The following LRRC4C variants were observed in gnomAD, a reference collection of about 807,000 sequenced individuals.
LRRC4C encodes the protein leucine rich repeat containing 4C, also known as leucine-rich repeat-containing protein 4C.
A neutral mutation model predicts 33.6 loss-of-function variants in LRRC4C; 5 were observed. The observed-to-expected ratio is 0.15, with a 90% CI of 0.08 to 0.31. LRRC4C has a LOEUF of 0.31. LRRC4C is among the 10% of genes least tolerant of loss of function. The pLI, the probability that LRRC4C is intolerant of heterozygous loss-of-function variation, is 1.00. For synonymous variants in LRRC4C, 329 were observed against 302.0 expected, an observed-to-expected ratio of 1.09 and a Z score of -0.93; for missense variants, 560 against 796.7, an observed-to-expected ratio of 0.70 and a Z score of 3.58.
At chr11:40,654,186 G>A (rs887439479) in intron 2 of LRRC4C, among the ~76,000 whole-genome samples, 3 of 152,216 alleles carry the variant, frequency 2.0e-5, no homozygotes, top group African/African-American at 7.2e-5. Context: ...CTCCCACACA[G>A]AGTCCCCGCT....
chr11:40,863,818 TTG>T (rs1334230725), intron 2 of LRRC4C, among the ~76,000 whole-genome samples: 1 of 152,142 alleles, frequency 6.6e-6, no homozygotes, highest in Non-Finnish European at 1.5e-5. Context: ...AAAGATATTT[TTG>T]TGTTATTATA....
chr11:40,895,383 A>C (rs538130859), intron 2 of LRRC4C, among the ~76,000 whole-genome samples: 190 of 152,110 alleles, frequency 1.2e-3, no homozygotes, highest in African/African-American at 4.1e-3. Context: ...ACCAAAAAAA[A>C]CCCCAAAATT....
At chr11:41,212,759 C>A (rs139476171) in intron 1 of LRRC4C, among the ~76,000 whole-genome samples, 16 of 152,310 alleles carry the variant, frequency 1.1e-4, no homozygotes, top group African/African-American at 3.8e-4. Flanking sequence ...TATTGAGCTC[C>A]ATTTATGTCC....
chr11:40,285,416 C>A (rs1272398872), intron 4 of LRRC4C, among the ~76,000 whole-genome samples: 1 of 152,198 alleles, frequency 6.6e-6, no homozygotes, highest in Admixed American at 6.5e-5. Context: ...GAAGGACTAA[C>A]ATCAGGTGTT....
chr11:41,163,282 C>CTTTTTTTT (rs1207086558), intron 1 of LRRC4C, among the ~76,000 whole-genome samples: 1 of 18,528 alleles, frequency 5.4e-5, no homozygotes, highest in African/African-American at 1.1e-4. Flanking sequence ...TTTACTGTAA[C>CTTTTTTTT]TGTTTTTTTT....
chr11:41,316,333 C>A (rs1011048993), intron 1 of LRRC4C, among the ~76,000 whole-genome samples: 5 of 144,540 alleles, frequency 3.5e-5, no homozygotes, highest in Admixed American at 1.4e-4. Context: ...TTGATTAAAT[C>A]TAAATCTATT....
chr11:40,354,482 T>C (rs912161226), intron 3 of LRRC4C, among the ~76,000 whole-genome samples: 4 of 152,170 alleles, frequency 2.6e-5, no homozygotes, highest in Non-Finnish European at 4.4e-5. Context: ...CCAGGGCCTG[T>C]ACTCGGGAAA....
At chr11:40,782,468 A>G (rs1351584268) in intron 2 of LRRC4C, among the ~76,000 whole-genome samples, 1 of 150,862 alleles carries the variant, frequency 6.6e-6, no homozygotes, top group Non-Finnish European at 1.5e-5. Context: ...TCTAGGAACT[A>G]TAGCATCTTT....
At chr11:40,887,257 A>G (rs1267418900) in intron 2 of LRRC4C, among the ~76,000 whole-genome samples, 1 of 151,862 alleles carries the variant, frequency 6.6e-6, no homozygotes, top group Non-Finnish European at 1.5e-5. Context: ...TAATGAGACA[A>G]TTGGTATAGA....
intron 1 of LRRC4C, among the ~76,000 whole-genome samples, chr11:41,033,308 T>C (rs1856833602): frequency 6.6e-6 from 1 of 152,076 alleles, no homozygotes; most frequent in South Asian, 2.1e-4. Flanking sequence ...GAGTCTCAGG[T>C]ATGCCTAAGC....
intron 4 of LRRC4C, among the ~76,000 whole-genome samples, chr11:40,302,796 T>TTACAA (rs1167600991): frequency 2.6e-5 from 4 of 152,144 alleles, no homozygotes; most frequent in Non-Finnish European, 5.9e-5. Flanking sequence ...AAGATTACTG[T>TTACAA]ATATTTAGAA....
chr11:40,444,291 C>T (rs1951526102), intron 3 of LRRC4C, among the ~76,000 whole-genome samples: 1 of 150,396 alleles, frequency 6.6e-6, no homozygotes, highest in African/African-American at 2.4e-5. Context: ...AATACCAGAG[C>T]TGTTTCTTCT....
At chr11:40,552,122 A>C (rs553827696) in intron 3 of LRRC4C, among the ~76,000 whole-genome samples, 66 of 152,252 alleles carry the variant, frequency 4.3e-4, no homozygotes, top group African/African-American at 1.5e-3. Context: ...CATATTTTGG[A>C]CTTCTCAGTC....
intron 1 of LRRC4C, among the ~76,000 whole-genome samples, chr11:41,059,154 C>T (rs1858862676): frequency 6.9e-6 from 1 of 145,768 alleles, no homozygotes; most frequent in Admixed American, 7.0e-5. Context: ...ACCCTAATGA[C>T]ATAAAATTTG....
chr11:41,328,514 A>G (rs1362108390), intron 1 of LRRC4C, among the ~76,000 whole-genome samples: 1 of 152,116 alleles, frequency 6.6e-6, no homozygotes, highest in East Asian at 1.9e-4. Flanking sequence ...ACCCAGGCCA[A>G]CACTGCTCTG....
chr11:40,167,253 C>A (rs1471802039), intron 5 of LRRC4C, among the ~76,000 whole-genome samples: 1 of 152,158 alleles, frequency 6.6e-6, no homozygotes, highest in African/African-American at 2.4e-5. Context: ...GTTTCGACCA[C>A]TTTTCTTGGT....
At chr11:41,282,344 A>G (rs1157542553) in intron 1 of LRRC4C, among the ~76,000 whole-genome samples, 2 of 152,230 alleles carry the variant, frequency 1.3e-5, no homozygotes, top group Non-Finnish European at 2.9e-5. Flanking sequence ...GGATATCAAC[A>G]TTAAATTTAC....
intron 1 of LRRC4C, among the ~76,000 whole-genome samples, chr11:41,418,014 C>T (rs941330914): frequency 6.6e-6 from 1 of 151,178 alleles, no homozygotes; most frequent in African/African-American, 2.4e-5. Flanking sequence ...ATAGACCCCC[C>T]CACACACACA....
At chr11:40,533,064 A>C (rs868657981) in intron 3 of LRRC4C, among the ~76,000 whole-genome samples, 1 of 152,088 alleles carries the variant, frequency 6.6e-6, no homozygotes, top group Non-Finnish European at 1.5e-5. Flanking sequence ...CTCCCTTGAC[A>C]TGTGGGGATT....
Sources: allele counts gnomAD v4.1 joint callset (sites outside exome capture counted in the v4.1 genomes callset), GRCh38; gene constraint gnomAD v4.1.1; transcripts MANE v1.5; gene names NCBI Gene and HGNC (gene_info 2026-07-23, HGNC 2026-07-21).